Variants in TASP1 observed in about 807,000 individuals in gnomAD.
TASP1 encodes the protein taspase 1, also known as threonine aspartase 1.
A neutral mutation model predicts 56.6 loss-of-function variants in TASP1; 16 were observed. The observed-to-expected ratio is 0.28, with a 90% CI of 0.19 to 0.43. TASP1 has a LOEUF of 0.43. Among genes scored for constraint, TASP1 ranks in the 20% least tolerant of loss-of-function variants. The pLI, the probability that TASP1 is intolerant of heterozygous loss-of-function variation, is 1.00. For synonymous variants in TASP1, 179 were observed against 184.2 expected, an observed-to-expected ratio of 0.97 and a Z score of 0.23; for missense variants, 393 against 511.6, an observed-to-expected ratio of 0.77 and a Z score of 2.24.
At chr20:13,381,287 C>T in the TASP1 span, among the ~76,000 whole-genome samples, 1 of 152,154 alleles carries the variant, frequency 6.6e-6, no homozygotes, top group Non-Finnish European at 1.5e-5. Flanking sequence ...ATGCACCATC[C>T]CTCACGGCAC....
At chr20:13,499,427 T>C (rs968443232) in intron 10 of TASP1, among the ~76,000 whole-genome samples, 3 of 148,586 alleles carry the variant, frequency 2.0e-5, no homozygotes, top group Non-Finnish European at 4.5e-5. Flanking sequence ...CCTGCACACG[T>C]ACCCCCTGAA....
the TASP1 span, among the ~76,000 whole-genome samples, chr20:13,378,081 C>A: frequency 3.9e-5 from 6 of 152,002 alleles, no homozygotes; most frequent in Non-Finnish European, 8.8e-5. Flanking sequence ...TCCTTCAGTT[C>A]TACTCTGATC....
At chr20:13,324,278 A>G in the TASP1 span, among the ~76,000 whole-genome samples, 21 of 152,232 alleles carry the variant, frequency 1.4e-4, no homozygotes, top group African/African-American at 5.1e-4. Context: ...GATGACAGCA[A>G]GGAATCAATT....
chr20:13,335,595 T>C, the TASP1 span, among the ~76,000 whole-genome samples: 1 of 151,502 alleles, frequency 6.6e-6, no homozygotes, highest in Non-Finnish European at 1.5e-5. Context: ...AAAGAGTAAA[T>C]GTAGGAATTA....
the TASP1 span, among the ~76,000 whole-genome samples, chr20:13,318,236 A>G: frequency 6.6e-6 from 1 of 152,270 alleles, no homozygotes; most frequent in East Asian, 1.9e-4. Context: ...ATAAAAAGAT[A>G]TTTCACATCA....
At chr20:13,145,857 T>C in the TASP1 span, among the ~76,000 whole-genome samples, 1 of 152,176 alleles carries the variant, frequency 6.6e-6, no homozygotes, top group African/African-American at 2.4e-5. Context: ...CCATCTGATC[T>C]TCAACAAACT....
chr20:13,191,416 T>A, the TASP1 span, among the ~76,000 whole-genome samples: 2 of 152,150 alleles, frequency 1.3e-5, no homozygotes, highest in Admixed American at 1.3e-4. Context: ...CTATTAAAAA[T>A]TATAATTTCT....
At chr20:13,215,992 C>T in the TASP1 span, among the ~76,000 whole-genome samples, 3 of 152,212 alleles carry the variant, frequency 2.0e-5, no homozygotes, top group Non-Finnish European at 2.9e-5. Flanking sequence ...GCTTTCTGTT[C>T]GTTTGTGTTT....
At chr20:13,314,757 T>C in the TASP1 span, among the ~76,000 whole-genome samples, 1 of 152,126 alleles carries the variant, frequency 6.6e-6, no homozygotes, top group South Asian at 2.1e-4. Context: ...TTGATTGATC[T>C]AACAGATAAC....
chr20:13,250,079 T>G, the TASP1 span, among the ~76,000 whole-genome samples: 1 of 152,174 alleles, frequency 6.6e-6, no homozygotes. Context: ...ATCATGCATG[T>G]TCTCTTTTTC....
chr20:13,223,520 C>A, the TASP1 span, among the ~76,000 whole-genome samples: 2 of 152,152 alleles, frequency 1.3e-5, no homozygotes, highest in African/African-American at 4.8e-5. Context: ...CTTGATTACA[C>A]CAAATTTTGT....
rs372298240 is a variant in TASP1, at chr20:13,452,560, A to C, written c.986-17406T>G. On this transcript the variant is annotated intron_variant, in intron 11 of 13. Coordinates refer to ENST00000337743, the MANE Select transcript of TASP1 (RefSeq NM_017714.3). ...TATACATATTCCATACATACTATAA[A>C]TATGTACATCTCACTAGAATCTACA... is the stretch of plus-strand genomic sequence containing the variant. Among the ~76,000 whole-genome samples, 292 of 152,198 alleles carry C rather than the reference A, an allele frequency of 1.9e-3. 1 individual carries two copies. Among genetic ancestry groups the C allele is most frequent in the African/African-American group, 6.9e-3 (285 of 41,538 alleles).
intron 4 of TASP1, among the ~76,000 whole-genome samples, chr20:13,616,459 T>C (rs1222466648): frequency 2.0e-5 from 3 of 152,094 alleles, no homozygotes; most frequent in African/African-American, 7.2e-5. Flanking sequence ...GAGATCCACA[T>C]ACCTCATCAA....
At chr20:13,609,550 T>C (rs1025384612) in intron 4 of TASP1, among the ~76,000 whole-genome samples, 1 of 152,032 alleles carries the variant, frequency 6.6e-6, no homozygotes, top group Admixed American at 6.6e-5. Flanking sequence ...TAGTCGGGCA[T>C]GGCGGTGGGC....
At chr20:13,146,708 T>C in the TASP1 span, among the ~76,000 whole-genome samples, 1 of 152,118 alleles carries the variant, frequency 6.6e-6, no homozygotes, top group Admixed American at 6.5e-5. Context: ...TTCCAAACAG[T>C]GTCAGAAATT....
At chr20:13,185,066 C>G in the TASP1 span, among the ~76,000 whole-genome samples, 1 of 151,366 alleles carries the variant, frequency 6.6e-6, no homozygotes, top group Non-Finnish European at 1.5e-5. Context: ...TCAGTACTAT[C>G]AAAAAGAACC....
chr20:13,625,090 G>A (rs1007760323), intron 3 of TASP1, 95 bp downstream of exon 3: 3 of 884,424 alleles, frequency 3.4e-6, no homozygotes, highest in Non-Finnish European at 3.3e-6. Flanking sequence ...CTGGAAGACT[G>A]TCCTAGAAAT....
chr20:13,107,937 A>G, the TASP1 span, among the ~76,000 whole-genome samples: 1 of 151,732 alleles, frequency 6.6e-6, no homozygotes, highest in South Asian at 2.1e-4. Context: ...TTATTTTTTC[A>G]TTATTTATGT....
At chr20:13,289,889 A>C in the TASP1 span, among the ~76,000 whole-genome samples, 1 of 152,208 alleles carries the variant, frequency 6.6e-6, no homozygotes, top group East Asian at 1.9e-4. Context: ...TTGGCTGAAA[A>C]AAATTTCAGA....
Sources: gnomAD v4.1 joint callset for allele counts (sites outside exome capture counted in the v4.1 genomes callset) on GRCh38, gnomAD v4.1.1 for gene constraint, MANE v1.5 for transcripts, NCBI Gene and HGNC (gene_info 2026-07-23, HGNC 2026-07-21) for gene names.